LRRC73: variants seen among roughly 807,000 people sequenced by gnomAD.
LRRC73 encodes leucine-rich repeat-containing protein 73.
LRRC73 carries 16 observed loss-of-function variants against 26.4 expected under a neutral mutation model. The observed-to-expected ratio is 0.61, with a 90% CI of 0.41 to 0.92. The LOEUF (loss-of-function observed/expected upper bound fraction) is 0.92, where lower values mean the gene tolerates loss of function less well. LRRC73 is among the 40% of genes least tolerant of loss of function. The probability of loss-of-function intolerance (pLI) is 0.00; values close to 1 mark genes in which losing one functional copy is unlikely to be tolerated. For missense variants in LRRC73, 344 were observed against 416.3 expected, an observed-to-expected ratio of 0.83 and a Z score of 1.51; for synonymous variants, 210 against 179.8, an observed-to-expected ratio of 1.17 and a Z score of -1.34.
At position 43,507,856 on chromosome 6, in the gene LRRC73, C is replaced by CT; in HGVS notation, c.626dup (p.Thr211HisfsTer29). 1 of 1,613,918 alleles carries CT rather than the reference C, an allele frequency of 6.2e-7. No homozygotes were observed. Among genetic ancestry groups the CT allele is most frequent in the Non-Finnish European group, 8.5e-7 (1 of 1,179,924 alleles). On this transcript the variant is annotated frameshift_variant, in exon 4 of 6. Transcript: ENST00000372441. LOFTEE classifies it high-confidence loss of function. Reference sequence around the variant, plus strand: ...CTGACTGGTTGGTGAGCCCTGTGCCCTCCAAGTCTAGGACCTCTAGGGTAC... The same window carrying CT: ...CTGACTGGTTGGTGAGCCCTGTGCCCTTCCAAGTCTAGGACCTCTAGGGTAC...
exon 1 of LRRC73, chr6:43,510,008 G>T: frequency 3.0e-6 from 1 of 332,338 alleles, no homozygotes; most frequent in East Asian, 5.1e-5. Flanking sequence ...CCAGAGGTGC[G>T]GAGGCGTCCA....
rs747113516 is a variant in LRRC73 at position 43,507,938 on chromosome 6, A to G, written c.557-12T>C. The G allele has an allele frequency of 4.4e-6, 7 of 1,607,094 alleles. No homozygotes were observed. The South Asian group carries it at 7.7e-5, about 18-fold the overall frequency. On this transcript the variant is annotated splice_polypyrimidine_tract_variant and intron_variant, in intron 3 of 5. Transcript: ENST00000372441. The stretch of plus-strand genomic sequence containing the variant: ...TGCCACATGGTCACCTGGGGAGACA[A>G]CACACGTGCACACATTCATACACAT...
At chr6:43,509,549 C>T in exon 1 of LRRC73, 1 of 1,610,002 alleles carries the variant, frequency 6.2e-7, no homozygotes, top group South Asian at 1.1e-5. Flanking sequence ...TCCGCAGAGC[C>T]TCAGCCAGCT....
intron 2 of LRRC73, 46 bp from the exon 3 acceptor site, chr6:43,508,466 C>G (rs1792573302): frequency 6.2e-7 from 1 of 1,610,848 alleles, no homozygotes; most frequent in African/African-American, 1.3e-5. Context: ...GGGTTAAGCC[C>G]TCCTCCAGCC....
At chr6:43,507,048 G>GC (rs1403508948) in exon 6 of LRRC73, 4 of 610,066 alleles carry the variant, frequency 6.6e-6, no homozygotes, top group Non-Finnish European at 1.2e-5. Context: ...GGGTTCAAGT[G>GC]CCCCCCAAGG....
chr6:43,507,270 C>T (rs201603181), exon 6 of LRRC73: 1 of 1,613,968 alleles, frequency 6.2e-7, no homozygotes, highest in Non-Finnish European at 8.5e-7. Flanking sequence ...AGACTGTCCC[C>T]TAGTCCTGAC....
Position 43,508,609 on chromosome 6 carries a change from C to T in LRRC73, c.433+151G>A, listed in dbSNP as rs949846204. 15 of 1,379,262 alleles carry T rather than the reference C, an allele frequency of 1.1e-5. 2 individuals carry two copies. The highest frequency in any genetic ancestry group is 4.6e-5 in the East Asian group (2 of 43,328). 85.4% of individuals were successfully genotyped at this position (1,379,262 alleles called of 1,614,324 possible). On this transcript the variant is annotated intron_variant, in intron 2 of 5. Coordinates refer to ENST00000372441, the Ensembl canonical transcript of LRRC73. ...GCCCCAGCCTGGATTCCTGAGTCTC[C>T]ATGCTGCCCCCCGTCCTGCCCCTTC...
At position 43,508,940 on chromosome 6, in the gene LRRC73, C is replaced by G. The variant is rs766604240; in HGVS notation, c.273-20G>C. ...TGCAGGCTGGAGGAGAGTGAGAGAG[C>G]AGGGTTACTGCAGTCCTCCGCACTA... On this transcript the variant is annotated intron_variant, in intron 1 of 5. Transcript: ENST00000372441. 1.9e-6 allele frequency: 3 copies of G among 1,574,000 alleles called. No individual in the cohort carries two copies. The East Asian group carries it at 6.8e-5, about 36-fold the overall frequency.
rs1373432579 is a variant in LRRC73, at chr6:43,507,207, G to A, written c.*31C>T. On this transcript the variant is annotated 3_prime_UTR_variant, in exon 6 of 6. Transcript: ENST00000372441. Reference sequence around the variant, plus strand: ...GGCAAGGTGCTCGGGACATAGATAAGTGAAATGGTGTGCAGAGGCCCAGTG... The same window carrying A: ...GGCAAGGTGCTCGGGACATAGATAAATGAAATGGTGTGCAGAGGCCCAGTG... 2.5e-6 allele frequency: 4 copies of A among 1,611,226 alleles called. No homozygotes were observed. In the African/African-American group the frequency reaches 4.0e-5, roughly 16 times the overall value.
At chr6:43,508,083 G>A (rs186428169) in intron 3 of LRRC73, among the ~76,000 whole-genome samples, 157 bp from the exon 4 acceptor site, 29 of 152,358 alleles carry the variant, frequency 1.9e-4, no homozygotes, top group African/African-American at 6.5e-4. Context: ...ATTGGTGAGT[G>A]AAGGCACGAA....
rs534789954 is a variant in LRRC73 at position 43,507,366 on chromosome 6, G to C, written c.881-58C>G. On this transcript the variant is annotated intron_variant, in intron 5 of 5. Coordinates refer to ENST00000372441, the Ensembl canonical transcript of LRRC73. ...ATTCCTTCCTCCAATGGGGACCACAGATAGGTGAGAGCCTAGGTTCTGCAC... is the reference window on the plus strand; with the variant it reads ...ATTCCTTCCTCCAATGGGGACCACACATAGGTGAGAGCCTAGGTTCTGCAC... The C allele has an allele frequency of 9.3e-6, 15 of 1,609,400 alleles. No homozygotes were observed. In the Admixed American group the frequency reaches 2.5e-4, roughly 27 times the overall value.
chr6:43,509,273 G>A (rs1446700961), intron 1 of LRRC73, among the ~76,000 whole-genome samples: 1 of 152,190 alleles, frequency 6.6e-6, no homozygotes, highest in Admixed American at 6.5e-5. Context: ...TAGGTGGGGA[G>A]GTACGGCCCC....
At chr6:43,508,831 C>T (rs1235840609) in exon 2 of LRRC73, 1 of 1,613,160 alleles carries the variant, frequency 6.2e-7, no homozygotes, top group Non-Finnish European at 8.5e-7. Context: ...CATGCAGTCC[C>T]CCAGGTCCAG....
chr6:43,507,204 T>A, exon 6 of LRRC73: 1 of 1,610,366 alleles, frequency 6.2e-7, no homozygotes. Flanking sequence ...GGGACATAGA[T>A]AAGTGAAATG....
chr6:43,508,002 A>G, intron 3 of LRRC73, 76 bp from the exon 4 acceptor site: 7 of 1,294,230 alleles, frequency 5.4e-6, no homozygotes, highest in Non-Finnish European at 7.6e-6. Flanking sequence ...CATTGCCTTA[A>G]CAACTTTAGA....
In LRRC73 at chr6:43,507,437, C is replaced by A. The variant is rs902339821; in HGVS notation, c.880+19G>T. ...AGCCTCTTCCAGACCTGGCTCTGATCAACCCTCTGGGTTCTTACCGCTGGG... is the reference window on the plus strand; with the variant it reads ...AGCCTCTTCCAGACCTGGCTCTGATAAACCCTCTGGGTTCTTACCGCTGGG... On this transcript the variant is annotated intron_variant, in intron 5 of 5. Transcript: ENST00000372441. The A allele has an allele frequency of 3.1e-6, 5 of 1,612,600 alleles. No individual in the cohort carries two copies. The highest frequency in any genetic ancestry group is 1.7e-5 in the Admixed American group (1 of 60,012).
At chr6:43,509,929 G>GGAGGCT (rs1792613611) in exon 1 of LRRC73, 1 of 587,060 alleles carries the variant, frequency 1.7e-6, no homozygotes, top group Middle Eastern at 5.1e-4. Flanking sequence ...CGGCTGTGGC[G>GGAGGCT]GAGGCTGCGG....
At chr6:43,510,322 G>T (rs535930818) in exon 1 of LRRC73, 3 of 152,620 alleles carry the variant, frequency 2.0e-5, no homozygotes, top group South Asian at 1.9e-4. Flanking sequence ...GGCGGCTGGC[G>T]GCAGCTCCGG....
At chr6:43,507,020 G>A in exon 6 of LRRC73, 1 of 575,504 alleles carries the variant, frequency 1.7e-6, no homozygotes, top group East Asian at 2.9e-5. Flanking sequence ...GAGCTGCCAA[G>A]TTCAAAGGCA....
Sources: gnomAD v4.1 joint callset for allele counts (sites outside exome capture counted in the v4.1 genomes callset) on GRCh38, gnomAD v4.1.1 for gene constraint, MANE v1.5 for transcripts, NCBI Gene and HGNC (gene_info 2026-07-23, HGNC 2026-07-21) for gene names.